Variants in TNR observed in about 807,000 individuals in gnomAD.
TNR encodes the protein tenascin-R.
A neutral mutation model predicts 150.4 loss-of-function variants in TNR; 45 were observed. That is an observed-to-expected ratio of 0.30 (90% CI 0.24 to 0.38). The LOEUF (loss-of-function observed/expected upper bound fraction) is 0.38, where lower values mean the gene tolerates loss of function less well. Among genes scored for constraint, TNR ranks in the 10% least tolerant of loss-of-function variants. TNR has a pLI of 1.00. For synonymous variants in TNR, 687 were observed against 678.4 expected, an observed-to-expected ratio of 1.01 and a Z score of -0.20; for missense variants, 1,544 against 1,759.1, an observed-to-expected ratio of 0.88 and a Z score of 2.19.
chr1:175,639,944 A>G (rs918172831), intron 1 of TNR, among the ~76,000 whole-genome samples: 1 of 152,188 alleles, frequency 6.6e-6, no homozygotes, highest in African/African-American at 2.4e-5. Flanking sequence ...TCTCTGCAGA[A>G]CCTGACAATC....
chr1:175,335,415 C>T (rs1027242942), intron 20 of TNR: 2 of 280,474 alleles, frequency 7.1e-6, no homozygotes, highest in Admixed American at 5.0e-5. Context: ...GCTCCCTGTG[C>T]CCCTCACCGA....
At chr1:175,623,594 T>C (rs1353489418) in intron 1 of TNR, among the ~76,000 whole-genome samples, 1 of 152,258 alleles carries the variant, frequency 6.6e-6, no homozygotes, top group African/African-American at 2.4e-5. Flanking sequence ...AACCAGGCTT[T>C]CTTCCCCAGG....
chr1:175,718,333 G>A (rs1197873326), intron 1 of TNR, among the ~76,000 whole-genome samples: 1 of 152,118 alleles, frequency 6.6e-6, no homozygotes, highest in African/African-American at 2.4e-5. Context: ...TTATGTTTCT[G>A]GATGAATAAT....
intron 2 of TNR, among the ~76,000 whole-genome samples, chr1:175,416,348 T>C (rs1288239953): frequency 6.6e-6 from 1 of 152,180 alleles, no homozygotes; most frequent in Non-Finnish European, 1.5e-5. Flanking sequence ...AGTTCAGTAG[T>C]AGACACCATA....
intron 1 of TNR, among the ~76,000 whole-genome samples, chr1:175,733,086 G>A (rs1443128342): frequency 6.6e-6 from 1 of 152,214 alleles, no homozygotes; most frequent in Non-Finnish European, 1.5e-5. Flanking sequence ...GCTCTGGAGT[G>A]AGATGCAAAA....
At chr1:175,375,005 G>A (rs1400387940) in intron 9 of TNR, among the ~76,000 whole-genome samples, 1 of 152,206 alleles carries the variant, frequency 6.6e-6, no homozygotes, top group Non-Finnish European at 1.5e-5. Flanking sequence ...TGAAAGATTA[G>A]AGCAGTCACC....
intron 21 of TNR, among the ~76,000 whole-genome samples, chr1:175,328,744 G>A (rs548624365): frequency 6.6e-6 from 1 of 152,320 alleles, no homozygotes; most frequent in East Asian, 1.9e-4. Context: ...GCAAGACAGA[G>A]CTGGAACAGA....
chr1:175,469,551 C>G (rs1196213034), intron 2 of TNR, among the ~76,000 whole-genome samples: 1 of 151,798 alleles, frequency 6.6e-6, no homozygotes, highest in Non-Finnish European at 1.5e-5. Flanking sequence ...CACTTCCCAA[C>G]TGTTGGGAAG....
chr1:175,671,571 A>G (rs1558065272), intron 1 of TNR, among the ~76,000 whole-genome samples: 1 of 152,242 alleles, frequency 6.6e-6, no homozygotes, highest in Non-Finnish European at 1.5e-5. Context: ...TTTGCTGGAT[A>G]TCATAGTACA....
At chr1:175,696,436 G>A (rs1380629987) in intron 1 of TNR, among the ~76,000 whole-genome samples, 1 of 151,812 alleles carries the variant, frequency 6.6e-6, no homozygotes, top group African/African-American at 2.4e-5. Context: ...AGACATAAAG[G>A]TTGTTCAGAT....
chr1:175,387,259 G>T (rs1419859564), intron 7 of TNR, among the ~76,000 whole-genome samples: 1 of 152,218 alleles, frequency 6.6e-6, no homozygotes, highest in African/African-American at 2.4e-5. Flanking sequence ...TGTCTGCATG[G>T]CCAACATGCT....
At chr1:175,502,749 C>A (rs1379317337) in intron 2 of TNR, among the ~76,000 whole-genome samples, 4 of 152,064 alleles carry the variant, frequency 2.6e-5, no homozygotes, top group African/African-American at 7.2e-5. Context: ...GGGAGAACAG[C>A]ACCTAAGGAA....
chr1:175,732,799 G>A (rs1044908984), intron 1 of TNR, among the ~76,000 whole-genome samples: 1 of 152,214 alleles, frequency 6.6e-6, no homozygotes, highest in Non-Finnish European at 1.5e-5. Flanking sequence ...CCTGTGAAAA[G>A]GGGTTAATAA....
intron 2 of TNR, among the ~76,000 whole-genome samples, chr1:175,524,523 T>G (rs1348818619): frequency 6.6e-6 from 1 of 151,870 alleles, no homozygotes; most frequent in Non-Finnish European, 1.5e-5. Context: ...GAGCAATGGG[T>G]GGATCAGGCT....
intron 1 of TNR, among the ~76,000 whole-genome samples, chr1:175,556,434 G>C (rs1661162575): frequency 6.6e-6 from 1 of 152,174 alleles, no homozygotes; most frequent in African/African-American, 2.4e-5. Flanking sequence ...AATCCAACTT[G>C]TACCAAAATA....
At chr1:175,694,324 C>T (rs1220180622) in intron 1 of TNR, among the ~76,000 whole-genome samples, 4 of 152,210 alleles carry the variant, frequency 2.6e-5, no homozygotes, top group South Asian at 2.1e-4. Flanking sequence ...AGAGATAAAA[C>T]GTCACAACCA....
chr1:175,479,067 G>GA (rs977032603), intron 2 of TNR, among the ~76,000 whole-genome samples: 4 of 152,126 alleles, frequency 2.6e-5, no homozygotes, highest in African/African-American at 7.2e-5. Context: ...TTGACAGGTA[G>GA]AAAAAATTAA....
chr1:175,521,293 G>A (rs961633642), intron 2 of TNR, among the ~76,000 whole-genome samples: 8 of 152,154 alleles, frequency 5.3e-5, no homozygotes, highest in Admixed American at 1.3e-4. Flanking sequence ...TTGTTGTGGA[G>A]CTTCTGAGGG....
intron 2 of TNR, among the ~76,000 whole-genome samples, chr1:175,444,130 A>G (rs1165997322): frequency 6.6e-6 from 1 of 152,204 alleles, no homozygotes; most frequent in Non-Finnish European, 1.5e-5. Flanking sequence ...CTCCAGTCAA[A>G]ATACTTATAA....
Sources: allele counts gnomAD v4.1 joint callset (sites outside exome capture counted in the v4.1 genomes callset), GRCh38; gene constraint gnomAD v4.1.1; transcripts MANE v1.5; gene names NCBI Gene and HGNC (gene_info 2026-07-23, HGNC 2026-07-21).